The following CMIP variants were observed in gnomAD, a reference collection of about 807,000 sequenced individuals.
CMIP encodes the protein c-Maf inducing protein, also known as C-Maf-inducing protein.
A neutral mutation model predicts 97.3 loss-of-function variants in CMIP; 13 were observed. The observed-to-expected ratio is 0.13, with a 90% CI of 0.09 to 0.21. CMIP has a LOEUF of 0.21. Ranked by LOEUF, CMIP falls within the 10% of genes least tolerant of loss-of-function variation. CMIP has a pLI of 1.00. For synonymous variants in CMIP, 538 were observed against 436.3 expected (o/e 1.23, Z -2.91); for missense variants, 847 against 1,024.9 (o/e 0.83, Z 2.37).
At chr16:81,620,366 A>G (rs2091976852) in intron 2 of CMIP, 1 of 153,740 alleles carries the variant, frequency 6.5e-6, no homozygotes, top group Admixed American at 6.4e-5. Flanking sequence ...TCATTGTGAG[A>G]TCTCAGGGTC....
At chr16:81,656,091 T>G (rs901326506) in intron 4 of CMIP, among the ~76,000 whole-genome samples, 1 of 152,222 alleles carries the variant, frequency 6.6e-6, no homozygotes, top group Non-Finnish European at 1.5e-5. Context: ...AAAAACATCC[T>G]TTCACATGCC....
intron 1 of CMIP, among the ~76,000 whole-genome samples, chr16:81,593,775 C>T (rs1186869912): frequency 6.6e-6 from 1 of 152,178 alleles, no homozygotes; most frequent in Non-Finnish European, 1.5e-5. Context: ...ACACTCCCTC[C>T]CTAGCACCCT....
chr16:81,544,642 CTGTG>C (rs373053831), intron 1 of CMIP, among the ~76,000 whole-genome samples: 27 of 145,434 alleles, frequency 1.9e-4, no homozygotes, highest in African/African-American at 5.6e-4. Context: ...GTGTGTGTGC[CTGTG>C]TGTGTGTGTG....
chr16:81,686,187 A>G (rs2151070996), intron 10 of CMIP, among the ~76,000 whole-genome samples: 1 of 152,352 alleles, frequency 6.6e-6, no homozygotes, highest in African/African-American at 2.4e-5. Context: ...TGTCAACTGC[A>G]TTTCCATTTT....
rs147340909 is a variant in CMIP at position 81,469,117 on chromosome 16, C to G, written c.300+23576C>G. 2.6e-5 allele frequency among the ~76,000 whole-genome samples: 4 copies of G among 152,342 alleles called. No homozygotes were observed. In the East Asian group the frequency reaches 7.7e-4, roughly 29 times the overall value. On this transcript the variant is annotated intron_variant, in intron 1 of 20. Coordinates refer to ENST00000537098, the MANE Select transcript of CMIP (RefSeq NM_198390.3). ...CAGGAGTGTGGGGCCCAGTTCGTTG[C>G]CAACAGGGAAATGTCCTCTGTCCCT...
intron 1 of CMIP, among the ~76,000 whole-genome samples, chr16:81,539,084 C>A (rs551180390): frequency 6.6e-5 from 10 of 152,326 alleles, no homozygotes; most frequent in African/African-American, 2.4e-4. Flanking sequence ...TGAATTCAGG[C>A]AGCTCAGATT....
chr16:81,551,881 C>T (rs1251021240), intron 1 of CMIP, among the ~76,000 whole-genome samples: 1 of 152,236 alleles, frequency 6.6e-6, no homozygotes, highest in African/African-American at 2.4e-5. Flanking sequence ...TGAGGCTCTG[C>T]TGCTGTGACA....
At chr16:81,665,281 A>C (rs941297516) in intron 7 of CMIP, 63 of 152,172 alleles carry the variant, frequency 4.1e-4, no homozygotes, top group African/African-American at 1.4e-3. Context: ...CCTGTATGTC[A>C]CGAGGAAACT....
At chr16:81,610,178 G>T in intron 2 of CMIP, 1 of 296,644 alleles carries the variant, frequency 3.4e-6, no homozygotes, top group Non-Finnish European at 5.0e-6. Flanking sequence ...GGGATGGAGG[G>T]GCAGTGAGGC....
chr16:81,621,268 A>T lies in CMIP; in HGVS notation c.477+342A>T. On this transcript the variant is annotated intron_variant, in intron 3 of 20. Transcript: ENST00000537098. The surrounding 1 kb of genome is among the most constrained non-coding windows in gnomAD (Gnocchi z 4.1). Reference sequence around the variant, plus strand: ...TGGACTTCAGGGGCTCAAGATGCTTAGTTGAAAGTAACTTCCAAAGGCTGT... The same window carrying T: ...TGGACTTCAGGGGCTCAAGATGCTTTGTTGAAAGTAACTTCCAAAGGCTGT... 4.8e-6 allele frequency: 1 copy of T among 209,774 alleles called. No homozygotes were observed. Among genetic ancestry groups the T allele is most frequent in the Non-Finnish European group, 9.8e-6 (1 of 102,432 alleles). 13.0% of individuals were successfully genotyped at this position (209,774 alleles called of 1,614,324 possible).
At chr16:81,587,766 A>G (rs1292625373) in intron 1 of CMIP, among the ~76,000 whole-genome samples, 1 of 152,124 alleles carries the variant, frequency 6.6e-6, no homozygotes, top group South Asian at 2.1e-4. Flanking sequence ...CAGATTTTTC[A>G]TGGTGATTTT....
intron 3 of CMIP, among the ~76,000 whole-genome samples, chr16:81,632,639 C>T (rs2092178833): frequency 6.6e-6 from 1 of 152,314 alleles, no homozygotes; most frequent in South Asian, 2.1e-4. Context: ...AGAGGCAGTA[C>T]AAGGCGGTTT....
At chr16:81,478,420 C>A (rs1340459090) in intron 1 of CMIP, among the ~76,000 whole-genome samples, 1 of 152,054 alleles carries the variant, frequency 6.6e-6, no homozygotes, top group African/African-American at 2.4e-5. Flanking sequence ...AGCAGCCTGC[C>A]GGAGAAGATA....
At chr16:81,508,181 C>G (rs1436946249) in intron 1 of CMIP, among the ~76,000 whole-genome samples, 1 of 152,186 alleles carries the variant, frequency 6.6e-6, no homozygotes, top group African/African-American at 2.4e-5. Context: ...ATAGATAGGA[C>G]TTTCATATGA....
chr16:81,602,246 TG>T (rs1184103909), intron 1 of CMIP, among the ~76,000 whole-genome samples: 2 of 151,116 alleles, frequency 1.3e-5, no homozygotes, highest in Non-Finnish European at 2.9e-5. Context: ...TGCGATAATG[TG>T]GGGAAAAAAA....
rs1164685280 is a variant in CMIP at position 81,655,357 on chromosome 16, C to G, written c.640-2418C>G. 1.3e-5 allele frequency among the ~76,000 whole-genome samples: 2 copies of G among 152,106 alleles called. No individual in the cohort carries two copies. Among genetic ancestry groups the G allele is most frequent in the Non-Finnish European group, 2.9e-5 (2 of 68,028 alleles). ...AGGCAGAGGGGCATCGTGGAGGGAG[C>G]TGCTAAGGACGCAAAACAGTTCCGA... On this transcript the variant is annotated intron_variant, in intron 4 of 20. Transcript: ENST00000537098. This position sits in a 1 kb window ranked among gnomAD's most constrained non-coding sequence, Gnocchi z 4.9.
chr16:81,527,152 G>T (rs1444093690), intron 1 of CMIP, among the ~76,000 whole-genome samples: 1 of 152,214 alleles, frequency 6.6e-6, no homozygotes, highest in Non-Finnish European at 1.5e-5. Context: ...CAGCTCGTTG[G>T]CTCAAAGTGT....
At chr16:81,565,193 A>G (rs530884075) in intron 1 of CMIP, among the ~76,000 whole-genome samples, 1 of 152,268 alleles carries the variant, frequency 6.6e-6, no homozygotes, top group East Asian at 1.9e-4. Flanking sequence ...AAGACAGGGC[A>G]GTATGTGAAC....
intron 3 of CMIP, among the ~76,000 whole-genome samples, chr16:81,633,407 C>G (rs369361641): frequency 2.0e-5 from 3 of 152,348 alleles, no homozygotes; most frequent in Middle Eastern, 3.4e-3. Flanking sequence ...TGAGGCCAAA[C>G]AGAGACTTTA....
Sources: allele counts gnomAD v4.1 joint callset (sites outside exome capture counted in the v4.1 genomes callset), GRCh38; gene constraint gnomAD v4.1.1; non-coding constraint Gnocchi (gnomAD v3.1); transcripts MANE v1.5; gene names NCBI Gene and HGNC (gene_info 2026-07-23, HGNC 2026-07-21).